Variants in PRKACB observed in about 807,000 individuals in gnomAD.
PRKACB encodes the protein protein kinase cAMP-activated catalytic subunit beta, also known as cAMP-dependent protein kinase catalytic subunit beta.
A neutral mutation model predicts 51.4 loss-of-function variants in PRKACB; 16 were observed. The observed-to-expected ratio is 0.31, with a 90% CI of 0.21 to 0.47. The LOEUF is 0.47. Among genes scored for constraint, PRKACB ranks in the 20% least tolerant of loss-of-function variants. The pLI is 1.00. For synonymous variants in PRKACB, 147 were observed against 154.4 expected (o/e 0.95, Z 0.35); for missense variants, 309 against 464.5 (o/e 0.67, Z 3.08).
At chr1:84,079,827 G>A (rs1276173848) in intron 1 of PRKACB, among the ~76,000 whole-genome samples, 2 of 151,984 alleles carry the variant, frequency 1.3e-5, no homozygotes, top group East Asian at 3.9e-4. Flanking sequence ...CACCACACCC[G>A]GCTAATTTTT....
intron 1 of PRKACB, among the ~76,000 whole-genome samples, chr1:84,128,369 A>G (rs529562453): frequency 1.0e-3 from 152 of 152,266 alleles, no homozygotes; most frequent in Middle Eastern, 6.8e-3. Context: ...TTTCACTGGA[A>G]TTGTTCATTT....
At chr1:84,191,944 T>C (rs1259085213) in intron 5 of PRKACB, among the ~76,000 whole-genome samples, 5 of 152,114 alleles carry the variant, frequency 3.3e-5, no homozygotes, top group Admixed American at 2.0e-4. Context: ...ATAGAATTCT[T>C]TAAGGGATTT....
chr1:84,123,639 G>A (rs2642181), intron 1 of PRKACB, among the ~76,000 whole-genome samples: 49 of 152,040 alleles, frequency 3.2e-4, no homozygotes, highest in African/African-American at 1.1e-3. Flanking sequence ...AAAGTAGAAC[G>A]CTATAAAATG....
At position 84,184,556 on chromosome 1, in the gene PRKACB, A is replaced by C. The variant is rs531560614; in HGVS notation, c.477+421A>C. Among the ~76,000 whole-genome samples the C allele has an allele frequency of 2.0e-5, 3 of 152,012 alleles. No individual in the cohort carries two copies. In the South Asian group the frequency reaches 6.2e-4, roughly 32 times the overall value. On this transcript the variant is annotated intron_variant, in intron 4 of 9. Transcript: ENST00000370685. ...TACAAAGCAAAATTTTTGTTCCACTATTCAAATGTCTGAAAAATTGTACCA... is the reference window on the plus strand; with the variant it reads ...TACAAAGCAAAATTTTTGTTCCACTCTTCAAATGTCTGAAAAATTGTACCA...
intron 1 of PRKACB, chr1:84,164,302 A>T: frequency 6.6e-7 from 1 of 1,516,790 alleles, no homozygotes; most frequent in East Asian, 2.5e-5. Context: ...CACTAGCAAC[A>T]GCACACAGCA....
chr1:84,160,262 TC>T (rs1656015022), intron 1 of PRKACB, among the ~76,000 whole-genome samples: 1 of 152,024 alleles, frequency 6.6e-6, no homozygotes, highest in Admixed American at 6.6e-5. Flanking sequence ...ATTTTCTATT[TC>T]TTTTTTAGTT....
Position 84,122,107 on chromosome 1 carries a change from C to T in PRKACB, c.46+43736C>T, listed in dbSNP as rs550741855. ...TCAGTTGATTTGAGGTAAGGGTGAC[C>T]TCCTGCCCTGAATGTGTTGCATACC... On this transcript the variant is annotated intron_variant, in intron 1 of 8. Transcript: ENST00000370688. Among the ~76,000 whole-genome samples, 3 of 152,148 alleles carry T rather than the reference C, an allele frequency of 2.0e-5. No individual in the cohort carries two copies. In the East Asian group the frequency reaches 5.8e-4, roughly 29 times the overall value.
Position 84,135,738 on chromosome 1 carries a change from AT to A in PRKACB, c.47-43430del, listed in dbSNP as rs879576981. Among the ~76,000 whole-genome samples the A allele has an allele frequency of 5.5e-3, 836 of 151,204 alleles. 11 individuals are homozygous for A. Among genetic ancestry groups the A allele is most frequent in the African/African-American group, 0.019 (794 of 41,312 alleles). On this transcript the variant is annotated intron_variant, in intron 1 of 8. Transcript: ENST00000370688. ...ATGATAATCAGAGTACAGTTTATCA[AT>A]TTTTTTTTGCAATTTAGTAAAGGCA... is the stretch of plus-strand genomic sequence containing the variant.
At chr1:84,214,026 A>G in intron 8 of PRKACB, 127 bp from the exon 9 acceptor site, 1 of 918,104 alleles carries the variant, frequency 1.1e-6, no homozygotes, top group Non-Finnish European at 1.6e-6. Flanking sequence ...AAAGTATGTG[A>G]AGGTCATCGC....
chr1:84,109,115 A>G (rs1177713356), intron 1 of PRKACB, among the ~76,000 whole-genome samples: 2 of 151,938 alleles, frequency 1.3e-5, no homozygotes, highest in Admixed American at 6.6e-5. Context: ...ATAATGTTCC[A>G]TTGTGTGAAT....
At chr1:84,201,178 T>A (rs1376090750) in intron 7 of PRKACB, among the ~76,000 whole-genome samples, 1 of 152,128 alleles carries the variant, frequency 6.6e-6, no homozygotes, top group Non-Finnish European at 1.5e-5. Context: ...CTACCATTAG[T>A]GTATTATAGT....
intron 1 of PRKACB, among the ~76,000 whole-genome samples, chr1:84,174,209 T>G (rs559145241): frequency 4.8e-4 from 73 of 152,004 alleles, no homozygotes; most frequent in Middle Eastern, 3.4e-3. Flanking sequence ...TTATTACAAG[T>G]CAGTTGCTGT....
intron 1 of PRKACB, among the ~76,000 whole-genome samples, chr1:84,111,310 C>T (rs549850201): frequency 1.6e-4 from 24 of 152,084 alleles, no homozygotes; most frequent in South Asian, 1.0e-3. Flanking sequence ...TATACAGAAG[C>T]GTGCCCCAAA....
intron 9 of PRKACB, among the ~76,000 whole-genome samples, chr1:84,234,402 C>T (rs1181733158): frequency 6.6e-6 from 1 of 152,236 alleles, no homozygotes; most frequent in African/African-American, 2.4e-5. Flanking sequence ...GTGGAGCTTA[C>T]AGAGGCAGGC....
intron 1 of PRKACB, among the ~76,000 whole-genome samples, chr1:84,119,511 C>T (rs1650887338): frequency 6.6e-6 from 1 of 152,088 alleles, no homozygotes; most frequent in Admixed American, 6.6e-5. Context: ...CTTAATGCTA[C>T]TGTCCTTCAT....
chr1:84,086,923 G>T (rs7546625), intron 1 of PRKACB, among the ~76,000 whole-genome samples: 1 of 152,034 alleles, frequency 6.6e-6, no homozygotes, highest in Non-Finnish European at 1.5e-5. Context: ...CTGAGCAGGG[G>T]GCTTAACTGT....
intron 8 of PRKACB, among the ~76,000 whole-genome samples, chr1:84,209,867 A>G (rs1399906100): frequency 6.6e-6 from 1 of 152,210 alleles, no homozygotes; most frequent in East Asian, 1.9e-4. Flanking sequence ...TTCAAGCATA[A>G]CACATAGTAG....
At chr1:84,116,163 ATGT>A (rs1325968132) in intron 1 of PRKACB, among the ~76,000 whole-genome samples, 1 of 151,914 alleles carries the variant, frequency 6.6e-6, no homozygotes, top group Non-Finnish European at 1.5e-5. Flanking sequence ...GGCTGTAAAT[ATGT>A]GGCTTTATTT....
chr1:84,123,847 A>G (rs1030661506), intron 1 of PRKACB, among the ~76,000 whole-genome samples: 11 of 152,186 alleles, frequency 7.2e-5, no homozygotes, highest in Admixed American at 5.2e-4. Context: ...AATATGTTAC[A>G]TAGTCTAATA....
Sources: allele counts gnomAD v4.1 joint callset (sites outside exome capture counted in the v4.1 genomes callset), GRCh38; gene constraint gnomAD v4.1.1; transcripts MANE v1.5; gene names NCBI Gene and HGNC (gene_info 2026-07-23, HGNC 2026-07-21).